The following RAB40B variants were observed in gnomAD, a reference collection of about 807,000 sequenced individuals.
RAB40B encodes RAB40B, member RAS oncogene family.
A neutral mutation model predicts 24.0 loss-of-function variants in RAB40B; 21 were observed. That is an observed-to-expected ratio of 0.88 (90% CI 0.62 to 1.26). The LOEUF (loss-of-function observed/expected upper bound fraction) is 1.26, where lower values mean the gene tolerates loss of function less well. Ranked by LOEUF, RAB40B falls within the 50% of genes most tolerant of loss-of-function variation. The pLI is 0.00. For synonymous variants in RAB40B, 167 were observed against 169.8 expected (o/e 0.98, Z 0.13); for missense variants, 348 against 390.5 (o/e 0.89, Z 0.92).
In RAB40B at chr17:82,655,156, A is replaced by G. The variant is rs1488652262; in HGVS notation, c.*2707T>C. On this transcript the variant is annotated 3_prime_UTR_variant, in exon 6 of 6. Transcript: ENST00000571995. ...TCCTGAGGCTGCCGTAACAATCGCC[A>G]CAAACCTGGTGACTTAAATAACAAA... is the stretch of plus-strand genomic sequence containing the variant. 1 of 152,050 alleles carries G rather than the reference A, an allele frequency of 6.6e-6. No individual in the cohort carries two copies. The highest frequency in any genetic ancestry group is 1.5e-5 in the Non-Finnish European group (1 of 68,030). 9.4% of individuals were successfully genotyped at this position (152,050 alleles called of 1,614,324 possible). A position where few individuals can be genotyped will look rare whatever the true frequency, so the allele number is the denominator to read the frequency against.
chr17:82,684,136 G>A (rs149575647), intron 1 of RAB40B, among the ~76,000 whole-genome samples: 1,791 of 149,504 alleles, frequency 0.012, 17 homozygotes, highest in Middle Eastern at 0.041. Flanking sequence ...CAGGAGAATC[G>A]CTTGAACCCG....
At chr17:82,683,435 C>T (rs949471986) in intron 1 of RAB40B, among the ~76,000 whole-genome samples, 4 of 152,120 alleles carry the variant, frequency 2.6e-5, no homozygotes, top group African/African-American at 9.7e-5. Flanking sequence ...ACATCCAAAA[C>T]GTATTTAAAC....
Position 82,655,221 on chromosome 17 carries a change from A to G in RAB40B, c.*2642T>C, listed in dbSNP as rs1248176324. 1 of 151,786 alleles carries G rather than the reference A, an allele frequency of 6.6e-6. No individual in the cohort carries two copies. Among genetic ancestry groups the G allele is most frequent in the Admixed American group, 6.6e-5 (1 of 15,250 alleles). The allele number at this position is 151,786 out of a possible 1,614,324, so 9.4% of individuals were successfully genotyped here. On this transcript the variant is annotated 3_prime_UTR_variant, in exon 6 of 6. Transcript: ENST00000571995. ...TAGCTCTGGAAGCCGGAAGTCCAAA[A>G]CCAATAACTTGGCAGGGCTGTGCTC...
chr17:82,671,462 CT>C (rs1336614789), intron 1 of RAB40B, among the ~76,000 whole-genome samples: 5 of 127,138 alleles, frequency 3.9e-5, no homozygotes, highest in East Asian at 2.5e-4. Context: ...CACCCCACCC[CT>C]GTAACTCTAA....
rs2279395 is a variant in RAB40B at position 82,659,676 on chromosome 17, G to A, written c.265-19C>T. The A allele has an allele frequency of 0.19, 300,534 of 1,610,226 alleles. 30,039 individuals carry two copies. Among genetic ancestry groups the A allele is most frequent in the East Asian group, 0.23 (10,175 of 44,866 alleles). ...TCACACCCTGGGGGAGAGGTCACAGGCTCAGCACGCAGAACACAGATGCAG... is the reference window on the plus strand; with the variant it reads ...TCACACCCTGGGGGAGAGGTCACAGACTCAGCACGCAGAACACAGATGCAG... On this transcript the variant is annotated intron_variant, in intron 3 of 5. Coordinates refer to ENST00000571995, the MANE Select transcript of RAB40B (RefSeq NM_006822.3).
intron 1 of RAB40B, among the ~76,000 whole-genome samples, chr17:82,665,410 G>A (rs184310043): frequency 1.3e-5 from 2 of 152,150 alleles, no homozygotes; most frequent in African/African-American, 2.4e-5. Flanking sequence ...GTGCCACTAG[G>A]GCCAGATAAT....
intron 1 of RAB40B, among the ~76,000 whole-genome samples, chr17:82,688,295 A>G (rs79085870): frequency 0.025 from 3,771 of 150,402 alleles, 127 homozygotes; most frequent in East Asian, 0.17. Context: ...GTGAGCCACC[A>G]TGCCTGGCCC....
intron 1 of RAB40B, among the ~76,000 whole-genome samples, chr17:82,690,601 G>T (rs2046547318): frequency 6.7e-6 from 1 of 150,184 alleles, no homozygotes; most frequent in East Asian, 2.0e-4. Flanking sequence ...CGTGTGTCCA[G>T]GGGAAGATCT....
chr17:82,669,509 C>T (rs1283905303), intron 1 of RAB40B, among the ~76,000 whole-genome samples: 1 of 151,824 alleles, frequency 6.6e-6, no homozygotes, highest in African/African-American at 2.4e-5. Flanking sequence ...AAAAATTGGC[C>T]AATCATGGTG....
chr17:82,665,907 A>G (rs961077622), intron 1 of RAB40B, among the ~76,000 whole-genome samples: 1 of 151,828 alleles, frequency 6.6e-6, no homozygotes, highest in Non-Finnish European at 1.5e-5. Flanking sequence ...AAAAAAAAAA[A>G]AAAAAAACTA....
At chr17:82,695,208 TTC>T in intron 1 of RAB40B, among the ~76,000 whole-genome samples, 2 of 150,836 alleles carry the variant, frequency 1.3e-5, no homozygotes, top group African/African-American at 4.9e-5. Flanking sequence ...TTTTTTTTTT[TTC>T]GAGACAAAAT....
At position 82,692,629 on chromosome 17, in the gene RAB40B, C is replaced by A. The variant is rs2046570229; in HGVS notation, c.142+5826G>T. Among the ~76,000 whole-genome samples the A allele has an allele frequency of 6.6e-6, 1 of 152,164 alleles. No individual in the cohort carries two copies. On this transcript the variant is annotated intron_variant, in intron 1 of 5. Transcript: ENST00000571995. This position sits in a 1 kb window ranked among gnomAD's most constrained non-coding sequence, Gnocchi z 4.0. Reference sequence around the variant, plus strand: ...GCATCCGACTGAAAAAAGTGTGTCTCGATCCCTGCCTCAGGCCTCACCCCA... The same window carrying A: ...GCATCCGACTGAAAAAAGTGTGTCTAGATCCCTGCCTCAGGCCTCACCCCA...
intron 1 of RAB40B, among the ~76,000 whole-genome samples, chr17:82,685,433 C>T (rs1294112722): frequency 1.3e-5 from 2 of 152,126 alleles, no homozygotes; most frequent in Admixed American, 1.3e-4. Context: ...AGCTTCAGTG[C>T]TCCAACCCCA....
chr17:82,662,924 G>A lies in RAB40B; in HGVS notation c.203+1572C>T, dbSNP rs915733547. Among the ~76,000 whole-genome samples the A allele has an allele frequency of 2.6e-5, 4 of 152,286 alleles. No individual in the cohort carries two copies. The East Asian group carries it at 5.8e-4, about 22-fold the overall frequency. On this transcript the variant is annotated intron_variant, in intron 2 of 5. Coordinates refer to ENST00000571995, the MANE Select transcript of RAB40B (RefSeq NM_006822.3). Reference sequence around the variant, plus strand: ...TGAGCTCAGGGGCAGGCGTGGGGCCGAGTGCGGCCTTTGGGTGGCCTTGGC... The same window carrying A: ...TGAGCTCAGGGGCAGGCGTGGGGCCAAGTGCGGCCTTTGGGTGGCCTTGGC...
At position 82,664,576 on chromosome 17, in the gene RAB40B, G is replaced by T; in HGVS notation, c.143-20C>A. Reference sequence around the variant, plus strand: ...CGATGCCTGCGGAAGGGTTAGAGACGGCTTAGGCCTGAGGCTGCAGCTAAC... The same window carrying T: ...CGATGCCTGCGGAAGGGTTAGAGACTGCTTAGGCCTGAGGCTGCAGCTAAC... On this transcript the variant is annotated intron_variant, in intron 1 of 5. Transcript: ENST00000571995. 6.2e-7 allele frequency: 1 copy of T among 1,611,722 alleles called. No individual in the cohort carries two copies. Among genetic ancestry groups the T allele is most frequent in the Middle Eastern group, 1.7e-4 (1 of 6,046 alleles).
chr17:82,657,786 G>A lies in RAB40B; in HGVS notation c.*77C>T. On this transcript the variant is annotated 3_prime_UTR_variant, in exon 6 of 6. Transcript: ENST00000571995. ...TTCGCCGAGAGGAACCGGGATCTGA[G>A]ATGCATCCACCAGCTGCCGGGGGTA... 2.0e-6 allele frequency: 3 copies of A among 1,518,618 alleles called. No homozygotes were observed. Among genetic ancestry groups the A allele is most frequent in the Non-Finnish European group, 2.7e-6 (3 of 1,093,846 alleles). The allele number at this position is 1,518,618 out of a possible 1,614,324, so 94.1% of individuals were successfully genotyped here.
intron 1 of RAB40B, among the ~76,000 whole-genome samples, chr17:82,689,087 A>T (rs1390835539): frequency 6.6e-6 from 1 of 152,254 alleles, no homozygotes; most frequent in East Asian, 1.9e-4. Flanking sequence ...AATAAAGGTT[A>T]AAAACATCTC....
At chr17:82,659,513 C>G in intron 4 of RAB40B, 67 bp downstream of exon 4, 1 of 1,540,896 alleles carries the variant, frequency 6.5e-7, no homozygotes, top group East Asian at 2.2e-5. Context: ...GGGCCCGGCC[C>G]TAATTCCTGG....
chr17:82,660,906 T>C, intron 3 of RAB40B, 81 bp downstream of exon 3: 1 of 1,514,144 alleles, frequency 6.6e-7, no homozygotes, highest in Non-Finnish European at 9.1e-7. Flanking sequence ...CAATCATCCA[T>C]TAAAGGATGG....
Sources: allele counts gnomAD v4.1 joint callset (sites outside exome capture counted in the v4.1 genomes callset), GRCh38; gene constraint gnomAD v4.1.1; non-coding constraint Gnocchi (gnomAD v3.1); transcripts MANE v1.5; gene names NCBI Gene and HGNC (gene_info 2026-07-23, HGNC 2026-07-21).